The following CBY2 variants were observed in gnomAD, a reference collection of about 807,000 sequenced individuals.
CBY2 encodes protein chibby homolog 2.
Under a neutral mutation model 25.3 loss-of-function variants are expected in CBY2, and 23 were observed. That is an observed-to-expected ratio of 0.91 (90% CI 0.65 to 1.29). The LOEUF (loss-of-function observed/expected upper bound fraction) is 1.29, where lower values mean the gene tolerates loss of function less well. CBY2 is among the 50% of genes most tolerant of loss of function. The pLI is 0.00. For missense variants in CBY2, 642 were observed against 590.7 expected (o/e 1.09, Z -0.90); for synonymous variants, 279 against 260.2 (o/e 1.07, Z -0.70).
In CBY2 at chr13:45,713,143, C is replaced by A; in HGVS notation, c.157-39C>A. 6.7e-7 allele frequency: 1 copy of A among 1,502,446 alleles called. No individual in the cohort carries two copies. The highest frequency in any genetic ancestry group is 1.2e-5 in the South Asian group (1 of 81,028). 93.1% of individuals were successfully genotyped at this position (1,502,446 alleles called of 1,614,324 possible). ...GTCAGCCAGCCCCAAGTGTGTCAGT[C>A]CCATCGTTAACGCTGGGCTTTCCCA... On this transcript the variant is annotated intron_variant, in intron 2 of 2. Transcript: ENST00000310521. This position sits in a 1 kb window ranked among gnomAD's most constrained non-coding sequence, Gnocchi z 5.0.
intron 2 of CBY2, among the ~76,000 whole-genome samples, chr13:45,710,358 A>G (rs1164427561): frequency 3.3e-5 from 5 of 152,126 alleles, no homozygotes; most frequent in African/African-American, 7.2e-5. Context: ...CCCCGTCTCT[A>G]CTAAAATACA....
chr13:45,702,954 G>A, intron 2 of CBY2, 99 bp downstream of exon 2: 1 of 1,211,580 alleles, frequency 8.3e-7, no homozygotes, highest in Non-Finnish European at 1.2e-6. Flanking sequence ...AGAATAAGCA[G>A]AGATAGTCAG....
At chr13:45,710,252 C>T (rs1044327923) in intron 2 of CBY2, among the ~76,000 whole-genome samples, 9 of 152,144 alleles carry the variant, frequency 5.9e-5, no homozygotes, top group African/African-American at 1.9e-4. Context: ...CTGCCAGGCA[C>T]GGTGGCTCAT....
chr13:45,709,337 G>A (rs1312711230), intron 2 of CBY2, among the ~76,000 whole-genome samples: 1 of 152,208 alleles, frequency 6.6e-6, no homozygotes, highest in East Asian at 1.9e-4. Context: ...GAAGGTGGAT[G>A]TAGAACACAG....
intron 2 of CBY2, among the ~76,000 whole-genome samples, chr13:45,707,447 G>A (rs1250314031): frequency 1.3e-5 from 2 of 152,132 alleles, no homozygotes; most frequent in African/African-American, 4.8e-5. Flanking sequence ...GGCCATTTTT[G>A]TAGGCCAAAA....
chr13:45,713,654 A>G lies in CBY2; in HGVS notation c.629A>G (p.Glu210Gly). ...GAGCACAAGGCCTCGCTGGGCCGAGAGGAGAGCCGGGCCCCCTCGCCACTG... is the reference window on the plus strand; with the variant it reads ...GAGCACAAGGCCTCGCTGGGCCGAGGGGAGAGCCGGGCCCCCTCGCCACTG... ...WEEHKASLGR[E>G]ESRAPSPLLH... The change falls in exon 3 of 3, where the codon GAG becomes GGG. Residue 210 changes from glutamate to glycine, a missense_variant. Coordinates refer to ENST00000310521, the MANE Select transcript of CBY2 (RefSeq NM_152719.3). The surrounding 1 kb of genome is among the most constrained non-coding windows in gnomAD (Gnocchi z 5.0). The G allele has an allele frequency of 6.2e-7, 1 of 1,613,404 alleles. No homozygotes were observed. The highest frequency in any genetic ancestry group is 8.5e-7 in the Non-Finnish European group (1 of 1,179,976).
At chr13:45,703,645 G>A in intron 2 of CBY2, 2 of 1,430,858 alleles carry the variant, frequency 1.4e-6, no homozygotes, top group Middle Eastern at 1.7e-4. Context: ...TTGACCACTG[G>A]TGGGCATTCC....
chr13:45,713,620 T>A lies in CBY2; in HGVS notation c.595T>A (p.Phe199Ile). The change falls in exon 3 of 3, where the codon TTC becomes ATC. Residue 199 changes from phenylalanine (F) to isoleucine (I), a missense_variant. Phe to Ile is a conservative substitution (Grantham distance 21, BLOSUM62 0). Coordinates refer to ENST00000310521, the MANE Select transcript of CBY2 (RefSeq NM_152719.3). This position sits in a 1 kb window ranked among gnomAD's most constrained non-coding sequence, Gnocchi z 5.0. ...LSKENKILQV[F>I]WEEHKASLGR... is the part of the protein sequence containing the mutation. The stretch of plus-strand genomic sequence containing the variant: ...CAAGGAGAACAAGATCCTACAGGTC[T>A]TCTGGGAGGAGCACAAGGCCTCGCT... The A allele has an allele frequency of 2.5e-6, 4 of 1,613,478 alleles. No homozygotes were observed. The highest frequency in any genetic ancestry group is 3.4e-6 in the Non-Finnish European group (4 of 1,179,804).
chr13:45,708,461 C>T (rs562852243), intron 2 of CBY2, among the ~76,000 whole-genome samples: 2 of 152,230 alleles, frequency 1.3e-5, no homozygotes, highest in East Asian at 1.9e-4. Context: ...GAACACAGTA[C>T]GTGCCAAATT....
chr13:45,713,188 A>G lies in CBY2; in HGVS notation c.163A>G (p.Thr55Ala), dbSNP rs1950281126. 6.2e-7 allele frequency: 1 copy of G among 1,609,532 alleles called. No individual in the cohort carries two copies. Among genetic ancestry groups the G allele is most frequent in the Non-Finnish European group, 8.5e-7 (1 of 1,177,464 alleles). The change falls in exon 3 of 3, where the codon ACA (threonine) becomes GCA (alanine). Residue 55 changes from threonine to alanine, a missense_variant. Physicochemically the swap from Thr to Ala is moderately conservative, Grantham distance 58. Transcript: ENST00000310521. This position sits in a 1 kb window ranked among gnomAD's most constrained non-coding sequence, Gnocchi z 5.0. Reference protein sequence around the residue: ...PISVVLPQRGTAEPFPRLHNL... With the variant: ...PISVVLPQRGAAEPFPRLHNL... The stretch of plus-strand genomic sequence containing the variant: ...TTCCCATTCTCTCCCGCAGAGGGGC[A>G]CAGCCGAACCCTTCCCGAGGCTCCA...
chr13:45,710,210 C>A (rs191226149), intron 2 of CBY2, among the ~76,000 whole-genome samples: 1 of 152,110 alleles, frequency 6.6e-6, no homozygotes, highest in Non-Finnish European at 1.5e-5. Flanking sequence ...AGTTCTAGTG[C>A]AAGGATGGAG....
rs1445665234 is a variant in CBY2 at position 45,713,454 on chromosome 13, G to A, written c.429G>A (p.Gln143=). ...GGGTAAATGAGAACTGCCGCCTGCAGTCTCCCTACTTCTCCCCATCCGCCT... is the reference window on the plus strand; with the variant it reads ...GGGTAAATGAGAACTGCCGCCTGCAATCTCCCTACTTCTCCCCATCCGCCT... The part of the protein sequence containing the change: ...GRWVNENCRL[Q]SPYFSPSASF... The change falls in exon 3 of 3, where the codon CAG becomes CAA. Residue 143 remains glutamine (Q), a synonymous_variant. Coordinates refer to ENST00000310521, the MANE Select transcript of CBY2 (RefSeq NM_152719.3). This position sits in a 1 kb window ranked among gnomAD's most constrained non-coding sequence, Gnocchi z 5.0. 1.2e-6 allele frequency: 2 copies of A among 1,614,118 alleles called. No individual in the cohort carries two copies. Among genetic ancestry groups the A allele is most frequent in the Non-Finnish European group, 1.7e-6 (2 of 1,180,050 alleles).
intron 2 of CBY2, chr13:45,703,368 T>A (rs1238687246): frequency 8.3e-6 from 12 of 1,440,092 alleles, no homozygotes; most frequent in Non-Finnish European, 1.1e-5. Flanking sequence ...GCTTTTTCAG[T>A]CAATGAATTG....
chr13:45,702,780 A>G lies in CBY2; in HGVS notation c.81A>G (p.Ser27=), dbSNP rs545199672. The change falls in exon 2 of 3, where the codon TCA becomes TCG. Residue 27 remains serine (S), a synonymous_variant. Transcript: ENST00000310521. ...RTYTWQLTLH[S]RPNYTRKRDT... Reference sequence around the variant, plus strand: ...TTCTTTTCTCGTTTCCACAGCACTCAAGGCCAAATTATACAAGAAAAAGAG... The same window carrying G: ...TTCTTTTCTCGTTTCCACAGCACTCGAGGCCAAATTATACAAGAAAAAGAG... 19 of 1,613,836 alleles carry G rather than the reference A, an allele frequency of 1.2e-5. No homozygotes were observed. In the South Asian group the frequency reaches 1.8e-4, roughly 15 times the overall value.
intron 2 of CBY2, 165 bp downstream of exon 2, chr13:45,703,020 A>C (rs1267657992): frequency 8.5e-7 from 1 of 1,169,894 alleles, no homozygotes; most frequent in Non-Finnish European, 1.2e-6. Flanking sequence ...GGGGAAGGCC[A>C]CATAGCCCCT....
Position 45,706,467 on chromosome 13 carries a change from C to T in CBY2, c.156+3612C>T, listed in dbSNP as rs187058449. On this transcript the variant is annotated intron_variant, in intron 2 of 2. Coordinates refer to ENST00000310521, the MANE Select transcript of CBY2 (RefSeq NM_152719.3). Reference sequence around the variant, plus strand: ...CCCCTGAGGACAGAGTCTCTTGGCACCTTTCTAGCACCCGACAGGAAGGCA... The same window carrying T: ...CCCCTGAGGACAGAGTCTCTTGGCATCTTTCTAGCACCCGACAGGAAGGCA... 3.3e-5 allele frequency among the ~76,000 whole-genome samples: 5 copies of T among 152,312 alleles called. No individual in the cohort carries two copies. The East Asian group carries it at 9.6e-4, about 29-fold the overall frequency.
Position 45,713,829 on chromosome 13 carries a change from G to C in CBY2, c.804G>C (p.Trp268Cys). Reference sequence around the variant, plus strand: ...TGCTGGAGCAGAAACAGGCCTACTGGGCGCAGGCAGAGGACACGGCCGCCC... The same window carrying C: ...TGCTGGAGCAGAAACAGGCCTACTGCGCGCAGGCAGAGGACACGGCCGCCC... ...QQLLEQKQAY[W>C]AQAEDTAAPA... The change falls in exon 3 of 3, where the codon TGG becomes TGC. Residue 268 changes from tryptophan (W) to cysteine (C), a missense_variant. Coordinates refer to ENST00000310521, the MANE Select transcript of CBY2 (RefSeq NM_152719.3). The surrounding 1 kb of genome is among the most constrained non-coding windows in gnomAD (Gnocchi z 5.0). 2.0e-6 allele frequency: 3 copies of C among 1,535,992 alleles called. No individual in the cohort carries two copies. Among genetic ancestry groups the C allele is most frequent in the South Asian group, 1.2e-5 (1 of 83,512 alleles).
At chr13:45,703,308 TTA>T (rs1333016613) in intron 2 of CBY2, 3 of 1,378,570 alleles carry the variant, frequency 2.2e-6, no homozygotes, top group Non-Finnish European at 2.8e-6. Flanking sequence ...GTCAAGAGAA[TTA>T]AGCCCTGCTA....
In CBY2 at chr13:45,714,463, C is replaced by A; in HGVS notation, c.*91C>A. 8.5e-7 allele frequency: 1 copy of A among 1,177,338 alleles called. No homozygotes were observed. The highest frequency in any genetic ancestry group is 1.2e-6 in the Non-Finnish European group (1 of 845,220). The allele number at this position is 1,177,338 out of a possible 1,614,324, so 72.9% of individuals were successfully genotyped here. On this transcript the variant is annotated 3_prime_UTR_variant, in exon 3 of 3. Coordinates refer to ENST00000310521, the MANE Select transcript of CBY2 (RefSeq NM_152719.3). ...GCCTTCCTTTGTCGTCCTCGCCTTC[C>A]CCAGCCAGTTCGTACCTATTGAAAA...
Sources: gnomAD v4.1 joint callset for allele counts (sites outside exome capture counted in the v4.1 genomes callset) on GRCh38, gnomAD v4.1.1 for gene constraint, Gnocchi (gnomAD v3.1) non-coding constraint, MANE v1.5 for transcripts, NCBI Gene and HGNC (gene_info 2026-07-23, HGNC 2026-07-21) for gene names.